Variants in CMYA5 observed in about 807,000 individuals in gnomAD.
CMYA5 encodes cardiomyopathy associated 5, also known as cardiomyopathy-associated protein 5.
In CMYA5, 246 loss-of-function variants were observed where a neutral mutation model predicts 318.9. That is an observed-to-expected ratio of 0.77 (90% CI 0.70 to 0.86). The LOEUF (loss-of-function observed/expected upper bound fraction) is 0.86. Among genes scored for constraint, CMYA5 ranks in the 40% least tolerant of loss-of-function variants. The pLI, the probability that CMYA5 is intolerant of heterozygous loss-of-function variation, is 0.00. For missense variants in CMYA5, 4,589 were observed against 4,678.2 expected (o/e 0.98, Z 0.56); for synonymous variants, 1,641 against 1,729.5 (o/e 0.95, Z 1.27).
chr5:79,746,547 TAAAAAAAAA>T, intron 4 of CMYA5, among the ~76,000 whole-genome samples: 1 of 68,914 alleles, frequency 1.5e-5, no homozygotes, highest in South Asian at 5.5e-4. Flanking sequence ...GAGCAAACTG[TAAAAAAAAA>T]AAAAAAAAAA....
chr5:79,798,558 T>C (rs1048573945), intron 12 of CMYA5, among the ~76,000 whole-genome samples: 1 of 122,344 alleles, frequency 8.2e-6, no homozygotes, highest in Non-Finnish European at 1.8e-5. Context: ...ATGTGTCTAG[T>C]AAACACTTGA....
At chr5:79,769,994 C>G (rs922289725) in intron 9 of CMYA5, among the ~76,000 whole-genome samples, 4 of 152,174 alleles carry the variant, frequency 2.6e-5, no homozygotes, top group African/African-American at 9.7e-5. Flanking sequence ...TTCAGAGATG[C>G]CCTGCTAAGA....
At chr5:79,724,815 C>T (rs376843962) in intron 1 of CMYA5, among the ~76,000 whole-genome samples, 4 of 152,318 alleles carry the variant, frequency 2.6e-5, no homozygotes, top group African/African-American at 9.6e-5. Context: ...TAATCATTCT[C>T]TAGTTCCTGT....
At chr5:79,724,491 T>C (rs1186652907) in intron 1 of CMYA5, among the ~76,000 whole-genome samples, 1 of 152,226 alleles carries the variant, frequency 6.6e-6, no homozygotes, top group African/African-American at 2.4e-5. Context: ...CTAACTCAGA[T>C]CAGCTGAACC....
At chr5:79,705,224 A>G (rs549967896) in intron 1 of CMYA5, among the ~76,000 whole-genome samples, 1 of 152,192 alleles carries the variant, frequency 6.6e-6, no homozygotes, top group South Asian at 2.1e-4. Context: ...GTGAGGCGAG[A>G]TCGTGCCACT....
At chr5:79,741,010 G>A (rs1037049165) in intron 2 of CMYA5, among the ~76,000 whole-genome samples, 1 of 151,898 alleles carries the variant, frequency 6.6e-6, no homozygotes, top group Non-Finnish European at 1.5e-5. Flanking sequence ...CAAGTAGCTG[G>A]GAATATAGTC....
chr5:79,749,626 CTA>C (rs1220140082), intron 5 of CMYA5, among the ~76,000 whole-genome samples: 1 of 151,986 alleles, frequency 6.6e-6, no homozygotes, highest in Non-Finnish European at 1.5e-5. Flanking sequence ...AAATATTAGT[CTA>C]TTTTATCATT....
rs200715392 is a variant in CMYA5, at chr5:79,742,048, C to CTCTTCTTCTTCTTCTTCT, written c.10639-1744_10639-1727dup. 8.5e-4 allele frequency among the ~76,000 whole-genome samples: 87 copies of CTCTTCTTCTTCTTCTTCT among 102,522 alleles called. 1 individual carries two copies. Among genetic ancestry groups the CTCTTCTTCTTCTTCTTCT allele is most frequent in the African/African-American group, 4.1e-3 (82 of 20,088 alleles). 67.3% of individuals were successfully genotyped at this position (102,522 alleles called of 152,430 possible). On this transcript the variant is annotated intron_variant, in intron 2 of 12. Transcript: ENST00000446378. ...TTCCTCCTCCTCCTCCCTCTTTCTC[C>CTCTTCTTCTTCTTCTTCT]TCTTCTTCTTCTTCTTCTTCTTCTT...
At chr5:79,728,873 T>C in intron 1 of CMYA5, 42 bp from the exon 2 acceptor site, 1 of 930,392 alleles carries the variant, frequency 1.1e-6, no homozygotes, top group Non-Finnish European at 1.4e-6. Context: ...TTAGTATTAT[T>C]TTATTATGAT....
intron 1 of CMYA5, among the ~76,000 whole-genome samples, chr5:79,690,945 T>C (rs1826960010): frequency 6.6e-6 from 1 of 152,044 alleles, no homozygotes; most frequent in Admixed American, 6.6e-5. Context: ...TAGAGGGGCA[T>C]TGAGGAGGAT....
rs1269883121 is a variant in CMYA5 at position 79,759,978 on chromosome 5, T to TG, written c.11260+1077dup. On this transcript the variant is annotated intron_variant, in intron 7 of 12. Transcript: ENST00000446378. ...CCCTATTTGCAAGTGAGAAAACTAA[T>TG]GTGAGGTTACATAGTTTGCTCAAGG... 2.6e-5 allele frequency among the ~76,000 whole-genome samples: 4 copies of TG among 152,332 alleles called. No individual in the cohort carries two copies. The South Asian group carries it at 8.3e-4, about 32-fold the overall frequency.
Position 79,763,131 on chromosome 5 carries a change from G to C in CMYA5, c.11477G>C (p.Arg3826Pro). ...TGGAACACAGCCACTATCCGATGGC[G>C]GCCCACCACCCCAGAGGCCACGGAG... ...VCWNTATIRWRPTTPEATETY... is the reference protein window; with the variant it reads ...VCWNTATIRWPPTTPEATETY... The change falls in exon 9 of 13, where the codon CGG becomes CCG. Residue 3826 changes from arginine to proline, a missense_variant. Arg to Pro is a moderately radical substitution (Grantham distance 103). Transcript: ENST00000446378. 1 of 1,600,174 alleles carries C rather than the reference G, an allele frequency of 6.2e-7. No homozygotes were observed. The highest frequency in any genetic ancestry group is 1.7e-5 in the Admixed American group (1 of 58,822).
chr5:79,752,682 T>C lies in CMYA5; in HGVS notation c.10998T>C (p.Leu3666=), dbSNP rs559148695. 5.0e-6 allele frequency: 8 copies of C among 1,611,296 alleles called. No homozygotes were observed. In the African/African-American group the frequency reaches 1.1e-4, roughly 22 times the overall value. Reference sequence around the variant, plus strand: ...GAGCTCTATTCCCCGATAGGTTGCTTTCTGCAATGGAGAGCACTGCTTCTT... The same window carrying C: ...GAGCTCTATTCCCCGATAGGTTGCTCTCTGCAATGGAGAGCACTGCTTCTT... ...TSFEEINERL[L]SAMESTASLE... The change falls in exon 6 of 13, where the codon CTT becomes CTC. Residue 3666 remains leucine (L), a synonymous_variant. Transcript: ENST00000446378.
rs1161329859 is a variant in CMYA5 at position 79,790,976 on chromosome 5, G to C, written c.11696G>C (p.Arg3899Thr). 6.2e-7 allele frequency: 1 copy of C among 1,611,618 alleles called. No homozygotes were observed. Among genetic ancestry groups the C allele is most frequent in the Non-Finnish European group, 8.5e-7 (1 of 1,177,978 alleles). The change falls in exon 11 of 13, where the codon AGA (arginine) becomes ACA (threonine). Residue 3899 changes from arginine (R) to threonine (T), a missense_variant. Physicochemically the swap from Arg to Thr is moderately conservative, Grantham distance 71 (BLOSUM62 -1). Around this residue, in one of 3 missense-constraint regions of CMYA5, gnomAD observed 2,431 missense variants for 2,495.1 expected, o/e 0.97. Coordinates refer to ENST00000446378, the MANE Select transcript of CMYA5 (RefSeq NM_153610.5). ...EAALISTRGTRFLLLRETAHP... is the reference protein window; with the variant it reads ...EAALISTRGTTFLLLRETAHP... ...ATTTTCTCACCTGCAATAGGAACCA[G>C]ATTTCTCTTGTTGAGAGAAACAGCT...
chr5:79,707,457 A>G (rs1827295527), intron 1 of CMYA5, among the ~76,000 whole-genome samples: 1 of 152,250 alleles, frequency 6.6e-6, no homozygotes, highest in African/African-American at 2.4e-5. Flanking sequence ...AAGAATAATT[A>G]GAAGACATAT....
chr5:79,785,126 G>A (rs559802922), intron 9 of CMYA5, among the ~76,000 whole-genome samples: 1 of 151,284 alleles, frequency 6.6e-6, no homozygotes, highest in South Asian at 2.1e-4. Context: ...GAGACTATAT[G>A]TTTGGGTCTA....
intron 1 of CMYA5, among the ~76,000 whole-genome samples, chr5:79,718,996 G>T (rs1827569519): frequency 6.6e-6 from 1 of 152,136 alleles, no homozygotes; most frequent in South Asian, 2.1e-4. Flanking sequence ...ACTGCCTAAT[G>T]ATGCATTTCT....
At position 79,738,074 on chromosome 5, in the gene CMYA5, A is replaced by T; in HGVS notation, c.9309A>T (p.Glu3103Asp). ...TAAGTTCAGTGGAAAGTGCACTAGAACATGAATATGACTTGGTGAAATTAG... is the reference window on the plus strand; with the variant it reads ...TAAGTTCAGTGGAAAGTGCACTAGATCATGAATATGACTTGGTGAAATTAG... ...FPVSSVESAL[E>D]HEYDLVKLDE... The change falls in exon 2 of 13, where the codon GAA becomes GAT. Residue 3103 changes from glutamate (E) to aspartate (D), a missense_variant. Physicochemically the swap from Glu to Asp is conservative, Grantham distance 45. This residue lies in a region of CMYA5 where 2,431 missense variants were observed against 2,495.1 expected (regional missense o/e 0.97). Transcript: ENST00000446378. The T allele has an allele frequency of 6.2e-7, 1 of 1,613,512 alleles. No homozygotes were observed. Among genetic ancestry groups the T allele is most frequent in the South Asian group, 1.1e-5 (1 of 90,958 alleles).
intron 6 of CMYA5, among the ~76,000 whole-genome samples, chr5:79,756,051 G>A (rs1368015751): frequency 6.6e-6 from 1 of 152,244 alleles, no homozygotes; most frequent in Admixed American, 6.5e-5. Flanking sequence ...CTGCTTCAAA[G>A]ATGATCGACA....
Sources: allele counts gnomAD v4.1 joint callset (sites outside exome capture counted in the v4.1 genomes callset), GRCh38; gene constraint gnomAD v4.1.1; regional missense constraint gnomAD v4.1.1; transcripts MANE v1.5; gene names NCBI Gene and HGNC (gene_info 2026-07-23, HGNC 2026-07-21).